DNM2: variants seen among roughly 807,000 people sequenced by gnomAD.
The protein encoded by DNM2 is dynamin-2.
A neutral mutation model predicts 99.0 loss-of-function variants in DNM2; 15 were observed. That is an observed-to-expected ratio of 0.15 (90% CI 0.10 to 0.23). DNM2 has a LOEUF of 0.23. Ranked by LOEUF, DNM2 falls within the 10% of genes least tolerant of loss-of-function variation. DNM2 has a pLI of 1.00. For missense variants in DNM2, 742 were observed against 1,189.4 expected (o/e 0.62, Z 5.53); for synonymous variants, 525 against 481.2 (o/e 1.09, Z -1.19).
In DNM2 at chr19:10,820,101, A is replaced by G; in HGVS notation, c.1781+12A>G. On this transcript the variant is annotated intron_variant, in intron 16 of 20. Coordinates refer to ENST00000389253, the MANE Select transcript of DNM2 (RefSeq NM_001005361.3). The surrounding 1 kb of genome is among the most constrained non-coding windows in gnomAD (Gnocchi z 4.3). ...AACACGGAGCAGAGGTGAGGGGCCC[A>G]GGGGCCTGGGGATGGCTCGGGGTGA... 6.2e-7 allele frequency: 1 copy of G among 1,613,934 alleles called. No individual in the cohort carries two copies. Among genetic ancestry groups the G allele is most frequent in the Non-Finnish European group, 8.5e-7 (1 of 1,179,870 alleles).
chr19:10,824,457 C>T (rs529719762), intron 17 of DNM2: 37 of 199,820 alleles, frequency 1.9e-4, no homozygotes, highest in Middle Eastern at 2.4e-3. Flanking sequence ...GCTGAGATCA[C>T]GCCATTGCAC....
rs374012479 is a variant in DNM2 at position 10,820,120 on chromosome 19, G to T, written c.1781+31G>T. The T allele has an allele frequency of 6.2e-7, 1 of 1,606,798 alleles. No homozygotes were observed. Among genetic ancestry groups the T allele is most frequent in the Non-Finnish European group, 8.5e-7 (1 of 1,173,852 alleles). ...GGGCCCAGGGGCCTGGGGATGGCTC[G>T]GGGTGAAGACCAATGGCCTCATTCA... On this transcript the variant is annotated intron_variant, in intron 16 of 20. Transcript: ENST00000389253. This position sits in a 1 kb window ranked among gnomAD's most constrained non-coding sequence, Gnocchi z 4.3.
At chr19:10,776,050 C>A in intron 4 of DNM2, 144 bp downstream of exon 4, 1 of 1,078,634 alleles carries the variant, frequency 9.3e-7, no homozygotes, top group Non-Finnish European at 1.4e-6. Context: ...GCACTTCCTC[C>A]GAGAACCAGC....
chr19:10,745,637 C>T (rs1273935405), intron 1 of DNM2, among the ~76,000 whole-genome samples: 1 of 152,180 alleles, frequency 6.6e-6, no homozygotes, highest in Non-Finnish European at 1.5e-5. Flanking sequence ...TTTGAGGCTG[C>T]AGTCAGCTAT....
chr19:10,759,822 G>A lies in DNM2; in HGVS notation c.235+11G>A, dbSNP rs1405730034. ...TCTTCTCAAAAACAGGTAAAATGGG[G>A]CGGCCTGAGGTTCAGCAGGAAGTGG... is the stretch of plus-strand genomic sequence containing the variant. On this transcript the variant is annotated intron_variant, in intron 2 of 20. Coordinates refer to ENST00000389253, the MANE Select transcript of DNM2 (RefSeq NM_001005361.3). The A allele has an allele frequency of 1.2e-6, 2 of 1,613,978 alleles. No individual in the cohort carries two copies. Among genetic ancestry groups the A allele is most frequent in the South Asian group, 1.1e-5 (1 of 91,086 alleles).
At chr19:10,767,542 C>T (rs919966165) in intron 2 of DNM2, among the ~76,000 whole-genome samples, 45 of 152,248 alleles carry the variant, frequency 3.0e-4, no homozygotes, top group African/African-American at 1.0e-3. Context: ...CAATGATTCT[C>T]CCACTTCAGC....
chr19:10,731,546 G>A (rs1048228576), intron 1 of DNM2, among the ~76,000 whole-genome samples: 1 of 152,052 alleles, frequency 6.6e-6, no homozygotes, highest in African/African-American at 2.4e-5. Flanking sequence ...TAGAGATGGG[G>A]TTTTGCCATG....
intron 18 of DNM2, 89 bp from the exon 19 acceptor site, chr19:10,828,947 G>C: frequency 7.2e-7 from 1 of 1,386,694 alleles, no homozygotes; most frequent in Non-Finnish European, 1.0e-6. Flanking sequence ...GGGTGGCCCC[G>C]CCCTGTGAGA....
chr19:10,777,032 CA>C (rs766319623), intron 4 of DNM2, 85 bp from the exon 5 acceptor site: 134 of 1,358,202 alleles, frequency 9.9e-5, no homozygotes, highest in Non-Finnish European at 1.4e-4. Flanking sequence ...GTTTCAGGGC[CA>C]ACTGGACCCC....
intron 1 of DNM2, among the ~76,000 whole-genome samples, chr19:10,722,091 G>A (rs113027539): frequency 7.2e-5 from 11 of 152,242 alleles, no homozygotes; most frequent in African/African-American, 1.7e-4. Context: ...GATGCGTGCC[G>A]AGTGCATGTG....
At position 10,786,574 on chromosome 19, in the gene DNM2, A is replaced by G. The variant is rs1224102421; in HGVS notation, c.860A>G (p.Asn287Ser). Residue 287 changes from asparagine (N) to serine (S), a missense_variant, in exon 7 of 21, where the codon AAC becomes AGC. By Grantham distance (46) the Asn-to-Ser change is conservative. Coordinates refer to ENST00000389253, the MANE Select transcript of DNM2 (RefSeq NM_001005361.3). Reference protein sequence around the residue: ...LQKTLNQQLTNHIRESLPALR... With the variant: ...LQKTLNQQLTSHIRESLPALR... ...ACCTCTCTCCTGCAGCAACTGACCA[A>G]CCACATCCGGGAGTCGCTGCCGGCC... is the stretch of plus-strand genomic sequence containing the variant. 6 of 1,613,950 alleles carry G rather than the reference A, an allele frequency of 3.7e-6. No individual in the cohort carries two copies. The highest frequency in any genetic ancestry group is 1.7e-5 in the Admixed American group (1 of 59,982).
intron 12 of DNM2, chr19:10,803,727 G>A: frequency 1.0e-6 from 1 of 984,830 alleles, no homozygotes; most frequent in Non-Finnish European, 1.2e-6. Flanking sequence ...CGCCCTGGCT[G>A]GGTGGCCCCA....
intron 17 of DNM2, chr19:10,824,102 G>A: frequency 1.7e-6 from 1 of 596,798 alleles, no homozygotes; most frequent in Non-Finnish European, 3.0e-6. Flanking sequence ...ACGGAAGCCA[G>A]TGACCGGGGC....
intron 1 of DNM2, among the ~76,000 whole-genome samples, chr19:10,746,062 G>T (rs1232084678): frequency 6.6e-6 from 1 of 152,146 alleles, no homozygotes; most frequent in East Asian, 1.9e-4. Context: ...AGGTTCAAGC[G>T]ATTCTCGTGC....
chr19:10,824,199 C>CTGT, intron 17 of DNM2: 1 of 425,598 alleles, frequency 2.3e-6, no homozygotes, highest in Non-Finnish European at 4.4e-6. Context: ...ACCCTTGGCC[C>CTGT]CAATATTAAA....
intron 6 of DNM2, among the ~76,000 whole-genome samples, chr19:10,785,629 G>A (rs1188790318): frequency 1.3e-5 from 2 of 151,982 alleles, no homozygotes; most frequent in Non-Finnish European, 2.9e-5. Flanking sequence ...TTTGTAGAGA[G>A]AAGGTCTCAC....
intron 1 of DNM2, among the ~76,000 whole-genome samples, chr19:10,741,555 T>C (rs921621407): frequency 7.3e-5 from 11 of 150,624 alleles, no homozygotes; most frequent in South Asian, 4.2e-4. Context: ...TTCTTTCTTT[T>C]TTTTTTTTTT....
intron 1 of DNM2, among the ~76,000 whole-genome samples, chr19:10,751,433 G>A (rs575975018): frequency 3.3e-5 from 5 of 152,260 alleles, no homozygotes; most frequent in Non-Finnish European, 7.4e-5. Flanking sequence ...ACGGAGGCTG[G>A]AAAGTCACTT....
Position 10,782,956 on chromosome 19 carries a change from A to C in DNM2, c.689-4A>C, listed in dbSNP as rs1341690025. 6.2e-7 allele frequency: 1 copy of C among 1,613,960 alleles called. No individual in the cohort carries two copies. The highest frequency in any genetic ancestry group is 8.5e-7 in the Non-Finnish European group (1 of 1,180,020). On this transcript the variant is annotated splice_region_variant and splice_polypyrimidine_tract_variant and intron_variant, in intron 5 of 20. Transcript: ENST00000389253. ...GCCCCTGACCTGACTGCCTCTCCCC[A>C]CAGGCTACATTGGCGTGGTGAACCG... is the stretch of plus-strand genomic sequence containing the variant.
Sources: allele counts gnomAD v4.1 joint callset (sites outside exome capture counted in the v4.1 genomes callset), GRCh38; gene constraint gnomAD v4.1.1; non-coding constraint Gnocchi (gnomAD v3.1); transcripts MANE v1.5; gene names NCBI Gene and HGNC (gene_info 2026-07-23, HGNC 2026-07-21).